FNBP1L: variants seen among roughly 807,000 people sequenced by gnomAD.
FNBP1L encodes the protein formin binding protein 1 like.
In FNBP1L, 36 loss-of-function variants were observed where a neutral mutation model predicts 91.2. That is an observed-to-expected ratio of 0.39 (90% confidence interval 0.30 to 0.52). FNBP1L has a LOEUF of 0.52. Among genes scored for constraint, FNBP1L ranks in the 20% least tolerant of loss-of-function variants. The pLI is 0.66. For synonymous variants in FNBP1L, 242 were observed against 237.0 expected, an observed-to-expected ratio of 1.02 and a Z score of -0.19; for missense variants, 571 against 732.1, an observed-to-expected ratio of 0.78 and a Z score of 2.54.
At chr1:93,543,141 A>G (rs951946302) in intron 11 of FNBP1L, among the ~76,000 whole-genome samples, 3 of 152,214 alleles carry the variant, frequency 2.0e-5, no homozygotes, top group Admixed American at 1.3e-4. Flanking sequence ...AGTGACAGGC[A>G]TCATCAATTT....
intron 10 of FNBP1L, among the ~76,000 whole-genome samples, chr1:93,540,093 G>T (rs1671984785): frequency 6.6e-6 from 1 of 151,998 alleles, no homozygotes; most frequent in African/African-American, 2.4e-5. Context: ...TGGGTGTGTA[G>T]TTGGGATGCT....
intron 1 of FNBP1L, among the ~76,000 whole-genome samples, chr1:93,461,479 T>G (rs1425939854): frequency 6.6e-6 from 1 of 152,178 alleles, no homozygotes; most frequent in Admixed American, 6.5e-5. Flanking sequence ...TATGTGCAAT[T>G]GTTTTGGACT....
chr1:93,475,939 A>G (rs1182303063), intron 1 of FNBP1L, among the ~76,000 whole-genome samples: 1 of 152,140 alleles, frequency 6.6e-6, no homozygotes, highest in Non-Finnish European at 1.5e-5. Flanking sequence ...ATTTCTACAT[A>G]TTCTGTGTTT....
In FNBP1L at chr1:93,553,242, A is replaced by T. The variant is rs548221387; in HGVS notation, c.*826A>T. On this transcript the variant is annotated 3_prime_UTR_variant, in exon 17 of 17. Coordinates refer to ENST00000271234, the MANE Select transcript of FNBP1L (RefSeq NM_001164473.3). ...AAACACAGAAGATATTCACCACCTC[A>T]AGACAAAGGACTATTGTCAAAAGTC... 1 of 152,664 alleles carries T rather than the reference A, an allele frequency of 6.6e-6. No individual in the cohort carries two copies. The highest frequency in any genetic ancestry group is 2.1e-4 in the South Asian group (1 of 4,830). 9.5% of individuals were successfully genotyped at this position (152,664 alleles called of 1,614,324 possible).
intron 1 of FNBP1L, among the ~76,000 whole-genome samples, chr1:93,453,904 A>G (rs1219239138): frequency 6.6e-6 from 1 of 152,252 alleles, no homozygotes; most frequent in East Asian, 1.9e-4. Context: ...AGATATCAGC[A>G]TGAGCCTCAA....
At chr1:93,481,458 C>T (rs1669701072) in intron 1 of FNBP1L, among the ~76,000 whole-genome samples, 1 of 152,070 alleles carries the variant, frequency 6.6e-6, no homozygotes. Flanking sequence ...TTTAAGGATG[C>T]TTAACAGGGA....
intron 2 of FNBP1L, among the ~76,000 whole-genome samples, chr1:93,514,094 A>G (rs371214325): frequency 5.3e-5 from 8 of 151,488 alleles, no homozygotes; most frequent in Admixed American, 2.0e-4. Flanking sequence ...AAATCAATGT[A>G]CAAAAATCAC....
At chr1:93,532,185 T>G (rs775052128) in intron 7 of FNBP1L, among the ~76,000 whole-genome samples, 1 of 151,514 alleles carries the variant, frequency 6.6e-6, no homozygotes, top group Non-Finnish European at 1.5e-5. Context: ...AGTCTCAGAC[T>G]TGGCCGGGGG....
chr1:93,537,182 T>C (rs188287403), intron 10 of FNBP1L, among the ~76,000 whole-genome samples: 162 of 152,274 alleles, frequency 1.1e-3, no homozygotes, highest in Non-Finnish European at 1.7e-3. Context: ...TGTTTGATTT[T>C]AAGGGTGTGC....
At chr1:93,458,665 G>A (rs2433278) in intron 1 of FNBP1L, among the ~76,000 whole-genome samples, 150,977 of 152,336 alleles carry the variant, frequency 0.99, 74,827 homozygotes, top group East Asian at 1. Flanking sequence ...AAAGGAAGCA[G>A]TCAACAGAGT....
intron 2 of FNBP1L, among the ~76,000 whole-genome samples, chr1:93,512,000 C>T (rs1301057535): frequency 1.3e-5 from 2 of 148,222 alleles, no homozygotes; most frequent in African/African-American, 2.5e-5. Flanking sequence ...AGTCAAGACC[C>T]ATCAGTGTGC....
intron 2 of FNBP1L, among the ~76,000 whole-genome samples, chr1:93,511,879 T>TG (rs1417318551): frequency 1.5e-5 from 2 of 137,270 alleles, no homozygotes; most frequent in African/African-American, 5.5e-5. Context: ...GGCAGGAGAA[T>TG]GGCGTGAACC....
Position 93,499,592 on chromosome 1 carries a change from A to ATT in FNBP1L, c.140+17_140+18dup. On this transcript the variant is annotated intron_variant, in intron 2 of 16. Coordinates refer to ENST00000271234, the MANE Select transcript of FNBP1L (RefSeq NM_001164473.3). ...TATGCGAAACAATTGAGGTAAGTTA[A>ATT]TTTTTTTTTCAGTTTTTAGAATGAA... 1 of 1,487,566 alleles carries ATT rather than the reference A, an allele frequency of 6.7e-7. No individual in the cohort carries two copies. The highest frequency in any genetic ancestry group is 1.3e-5 in the South Asian group (1 of 79,418). 92.1% of individuals were successfully genotyped at this position (1,487,566 alleles called of 1,614,324 possible).
intron 2 of FNBP1L, among the ~76,000 whole-genome samples, chr1:93,503,813 T>TA (rs1557796164): frequency 6.6e-6 from 1 of 152,148 alleles, no homozygotes; most frequent in Admixed American, 6.5e-5. Context: ...GATTTCTAAG[T>TA]AAAAAAAGGA....
chr1:93,506,084 A>G (rs1670601979), intron 2 of FNBP1L, among the ~76,000 whole-genome samples: 2 of 152,254 alleles, frequency 1.3e-5, no homozygotes, highest in African/African-American at 4.8e-5. Flanking sequence ...TAATTTAAGT[A>G]TAATGAGAAA....
At chr1:93,524,571 T>G (rs1406193351) in intron 5 of FNBP1L, among the ~76,000 whole-genome samples, 1 of 148,570 alleles carries the variant, frequency 6.7e-6, no homozygotes, top group Non-Finnish European at 1.5e-5. Flanking sequence ...TGTGAACATT[T>G]AAGGAGATTC....
chr1:93,544,820 A>C (rs951556780), intron 12 of FNBP1L, among the ~76,000 whole-genome samples: 2 of 152,154 alleles, frequency 1.3e-5, no homozygotes, highest in African/African-American at 2.4e-5. Flanking sequence ...GCTAAGAATT[A>C]GTGTATCAGG....
chr1:93,548,763 G>C (rs237427), intron 14 of FNBP1L, among the ~76,000 whole-genome samples: 5,739 of 152,138 alleles, frequency 0.038, 339 homozygotes, highest in African/African-American at 0.13. Flanking sequence ...AATTCTCTTC[G>C]AAGAGTCCCA....
intron 1 of FNBP1L, among the ~76,000 whole-genome samples, chr1:93,456,413 G>T (rs1039898183): frequency 6.6e-6 from 1 of 151,972 alleles, no homozygotes; most frequent in South Asian, 2.1e-4. Context: ...TCATAATTTT[G>T]TTGTTTTTAG....
Sources: allele counts gnomAD v4.1 joint callset (sites outside exome capture counted in the v4.1 genomes callset), GRCh38; gene constraint gnomAD v4.1.1; transcripts MANE v1.5; gene names NCBI Gene and HGNC (gene_info 2026-07-23, HGNC 2026-07-21).